Variants in NDP observed in about 807,000 individuals in gnomAD.
The protein encoded by NDP is norrin cystine knot growth factor NDP, also known as norrin.
Under a neutral mutation model 8.4 loss-of-function variants are expected in NDP, and 2 were observed. The observed-to-expected ratio is 0.24, with a 90% CI of 0.10 to 0.75. The LOEUF (loss-of-function observed/expected upper bound fraction) is 0.75, where lower values mean the gene tolerates loss of function less well. NDP is among the 30% of genes least tolerant of loss of function. The pLI is 0.73. For synonymous variants in NDP, 55 were observed against 45.6 expected (o/e 1.21, Z -0.83); for missense variants, 81 against 110.1 (o/e 0.74, Z 1.18).
chrX:43,955,623 G>C (rs979363283), intron 2 of NDP, among the ~76,000 whole-genome samples: 2 of 112,395 alleles, frequency 1.8e-5, no homozygotes, highest in Admixed American at 9.4e-5. Flanking sequence ...GATTATAAAT[G>C]AACCTGCTAC....
intron 2 of NDP, among the ~76,000 whole-genome samples, chrX:43,953,669 G>A (rs910445836): frequency 1.8e-5 from 2 of 113,182 alleles, no homozygotes; most frequent in Non-Finnish European, 3.7e-5. Context: ...TACACTATTA[G>A]GACAGATAAG....
intron 2 of NDP, among the ~76,000 whole-genome samples, chrX:43,952,323 G>A (rs932351808): frequency 2.7e-5 from 3 of 111,695 alleles, no homozygotes; most frequent in Non-Finnish European, 5.6e-5. Context: ...TCACCTTGGA[G>A]TAGTGTTAAA....
chrX:43,963,535 G>A (rs1380200840), intron 1 of NDP, among the ~76,000 whole-genome samples: 1 of 112,291 alleles, frequency 8.9e-6, no homozygotes, highest in Non-Finnish European at 1.9e-5. Context: ...TAAATAAAGT[G>A]AAGATAGTAG....
Position 43,956,879 on chromosome X carries a change from C to T in NDP, c.174+1593G>A, listed in dbSNP as rs192954765. ...ATGCTCAGAATTCACATGTGAATTT[C>T]TTCGGTTTGAGTTCATGATGTCTCT... On this transcript the variant is annotated intron_variant, in intron 2 of 2. Transcript: ENST00000642620. 4.5e-5 allele frequency among the ~76,000 whole-genome samples: 5 copies of T among 111,782 alleles called. No individual in the cohort carries two copies. The East Asian group carries it at 1.4e-3, about 32-fold the overall frequency.
Position 43,958,557 on chromosome X carries a change from A to G in NDP, c.89T>C (p.Phe30Ser). 1 of 1,211,284 alleles carries G rather than the reference A, an allele frequency of 8.3e-7. No homozygotes were observed. Among genetic ancestry groups the G allele is most frequent in the Non-Finnish European group, 1.1e-6 (1 of 894,765 alleles). ...GCGTCGAGGGTCCGAGTCCATTATG[A>G]ATGAGCTGTCCGTTTTACTGTCTGT... Reference protein sequence around the residue: ...GDTDSKTDSSFIMDSDPRRCM... With the variant: ...GDTDSKTDSSSIMDSDPRRCM... The change falls in exon 2 of 3, where the codon TTC becomes TCC. Residue 30 changes from phenylalanine (F) to serine (S), a missense_variant. Physicochemically the swap from Phe to Ser is radical, Grantham distance 155. Coordinates refer to ENST00000642620, the MANE Select transcript of NDP (RefSeq NM_000266.4).
At chrX:43,965,534 T>G (rs2035852853) in intron 1 of NDP, among the ~76,000 whole-genome samples, 1 of 111,863 alleles carries the variant, frequency 8.9e-6, no homozygotes, top group African/African-American at 3.2e-5. Flanking sequence ...GGGGTTTCTG[T>G]CCAGTACCCA....
intron 1 of NDP, among the ~76,000 whole-genome samples, chrX:43,970,355 G>A (rs972284200): frequency 3.6e-5 from 4 of 112,212 alleles, no homozygotes; most frequent in African/African-American, 1.3e-4. Context: ...TGGCCGTCAT[G>A]GGAAGAGGTG....
At chrX:43,950,318 C>T (rs959697226) in intron 2 of NDP, among the ~76,000 whole-genome samples, 2 of 110,044 alleles carry the variant, frequency 1.8e-5, no homozygotes, top group South Asian at 3.9e-4. Flanking sequence ...CTGTGATGTG[C>T]GAGTAAAAAC....
chrX:43,957,499 C>T (rs991297198), intron 2 of NDP, among the ~76,000 whole-genome samples: 4 of 110,467 alleles, frequency 3.6e-5, no homozygotes, highest in African/African-American at 1.3e-4. Context: ...CATCACTGAG[C>T]TATAATCAGA....
At chrX:43,967,273 T>TG (rs1448661089) in intron 1 of NDP, among the ~76,000 whole-genome samples, 1 of 111,092 alleles carries the variant, frequency 9.0e-6, no homozygotes, top group African/African-American at 3.3e-5. Context: ...CATAATTTGG[T>TG]GGGGGGCAGT....
chrX:43,950,355 C>T (rs1276096668), intron 2 of NDP, among the ~76,000 whole-genome samples: 1 of 107,014 alleles, frequency 9.3e-6, no homozygotes, highest in Non-Finnish European at 1.9e-5. Flanking sequence ...TTTCTCCTGA[C>T]AGGTAGTGGT....
Position 43,949,796 on chromosome X carries a change from G to T in NDP, c.*3C>A, listed in dbSNP as rs372300274. The T allele has an allele frequency of 7.4e-5, 86 of 1,166,550 alleles. No individual in the cohort carries two copies. The highest frequency in any genetic ancestry group is 8.6e-5 in the Non-Finnish European group (75 of 871,444). ...ATCCAGAAGCCACACACAGCAGCGG[G>T]CCTCAGGAATTGCATTCCTCGCAGT... On this transcript the variant is annotated 3_prime_UTR_variant, in exon 3 of 3. Coordinates refer to ENST00000642620, the MANE Select transcript of NDP (RefSeq NM_000266.4).
intron 2 of NDP, among the ~76,000 whole-genome samples, chrX:43,950,484 T>C (rs2035755616): frequency 9.6e-6 from 1 of 104,041 alleles, no homozygotes; most frequent in Non-Finnish European, 2.0e-5. Context: ...AAAAAGAAAT[T>C]GATTTGTGCA....
intron 1 of NDP, among the ~76,000 whole-genome samples, chrX:43,965,098 C>T (rs1343221991): frequency 8.9e-6 from 1 of 111,898 alleles, no homozygotes; most frequent in African/African-American, 3.3e-5. Flanking sequence ...TAAATAGTTT[C>T]TAAATTAATA....
chrX:43,960,929 T>A (rs982304044), intron 1 of NDP: 1 of 112,018 alleles, frequency 8.9e-6, no homozygotes, highest in Non-Finnish European at 1.9e-5. Context: ...TTAAAGAACA[T>A]CATGTACAGC....
At chrX:43,969,176 A>T in intron 1 of NDP, among the ~76,000 whole-genome samples, 1 of 111,910 alleles carries the variant, frequency 8.9e-6, no homozygotes, top group East Asian at 2.8e-4. Flanking sequence ...AGAAAGAAAA[A>T]ATCCCGCCCC....
At chrX:43,957,503 A>G (rs1455504117) in intron 2 of NDP, among the ~76,000 whole-genome samples, 1 of 110,873 alleles carries the variant, frequency 9.0e-6, no homozygotes, top group African/African-American at 3.3e-5. Context: ...ACTGAGCTAT[A>G]ATCAGAGAAA....
intron 2 of NDP, among the ~76,000 whole-genome samples, chrX:43,952,400 G>A (rs891401527): frequency 1.8e-5 from 2 of 111,704 alleles, no homozygotes; most frequent in Admixed American, 9.5e-5. Flanking sequence ...GTCACCTTCC[G>A]TGATGGAGTC....
At chrX:43,960,275 C>A (rs771339960) in intron 1 of NDP, among the ~76,000 whole-genome samples, 48 of 111,807 alleles carry the variant, frequency 4.3e-4, no homozygotes, top group African/African-American at 1.5e-3. Flanking sequence ...AGTCATTCAA[C>A]CTCCTCTAGC....
Sources: allele counts gnomAD v4.1 joint callset (sites outside exome capture counted in the v4.1 genomes callset), GRCh38; gene constraint gnomAD v4.1.1; transcripts MANE v1.5; gene names NCBI Gene and HGNC (gene_info 2026-07-23, HGNC 2026-07-21).